Variants in ERC2 observed in about 807,000 individuals in gnomAD.
ERC2 encodes the protein ERC protein 2.
Under a neutral mutation model 114.8 loss-of-function variants are expected in ERC2, and 42 were observed. The observed-to-expected ratio is 0.37, with a 90% CI of 0.29 to 0.47. ERC2 has a LOEUF of 0.47. Among genes scored for constraint, ERC2 ranks in the 20% least tolerant of loss-of-function variants. The pLI, the probability that ERC2 is intolerant of heterozygous loss-of-function variation, is 0.99. For missense variants in ERC2, 939 were observed against 1,150.7 expected, an observed-to-expected ratio of 0.82 and a Z score of 2.66; for synonymous variants, 454 against 425.5, an observed-to-expected ratio of 1.07 and a Z score of -0.82.
intron 7 of ERC2, among the ~76,000 whole-genome samples, chr3:56,041,474 G>A (rs962221247): frequency 2.6e-5 from 4 of 152,150 alleles, no homozygotes; most frequent in Non-Finnish European, 5.9e-5. Context: ...CTTACTGAGG[G>A]CTTGGCTGGC....
chr3:55,569,861 A>ATTTTTT (rs375004734), intron 17 of ERC2, among the ~76,000 whole-genome samples: 9 of 125,224 alleles, frequency 7.2e-5, no homozygotes, highest in Non-Finnish European at 1.2e-4. Flanking sequence ...CTTCATTTCT[A>ATTTTTT]TTTTTTTTTT....
At chr3:55,767,347 GT>G (rs746710456) in intron 14 of ERC2, among the ~76,000 whole-genome samples, 76 of 152,156 alleles carry the variant, frequency 5.0e-4, no homozygotes, top group Non-Finnish European at 9.1e-4. Flanking sequence ...AAAGTGGCAT[GT>G]TTCAGATGTT....
At chr3:55,752,459 T>C (rs1384047490) in intron 14 of ERC2, among the ~76,000 whole-genome samples, 2 of 152,192 alleles carry the variant, frequency 1.3e-5, no homozygotes, top group African/African-American at 4.8e-5. Context: ...ATTGACCTGG[T>C]TTACCAGCGC....
intron 3 of ERC2, among the ~76,000 whole-genome samples, chr3:56,285,067 A>ACT (rs1576269517): frequency 5.7e-5 from 7 of 123,570 alleles, no homozygotes; most frequent in South Asian, 2.7e-4. Context: ...ACACACACAC[A>ACT]CTCTTATGTT....
chr3:56,122,789 T>C (rs2079652027), intron 6 of ERC2, among the ~76,000 whole-genome samples: 1 of 152,050 alleles, frequency 6.6e-6, no homozygotes, highest in Non-Finnish European at 1.5e-5. Context: ...TATAATGCAA[T>C]CTCCTTTTGC....
chr3:55,821,921 G>A (rs1175848810), intron 14 of ERC2, among the ~76,000 whole-genome samples: 2 of 152,220 alleles, frequency 1.3e-5, no homozygotes, highest in Non-Finnish European at 2.9e-5. Flanking sequence ...AGGACAGAGA[G>A]AGAATGTGTA....
intron 12 of ERC2, among the ~76,000 whole-genome samples, chr3:55,974,405 G>C (rs1474384417): frequency 1.3e-5 from 2 of 152,198 alleles, no homozygotes; most frequent in East Asian, 3.8e-4. Flanking sequence ...CCTTCAGAGA[G>C]TTGTTTTCCA....
At chr3:55,920,679 C>T (rs2065375133) in intron 13 of ERC2, among the ~76,000 whole-genome samples, 1 of 152,044 alleles carries the variant, frequency 6.6e-6, no homozygotes, top group African/African-American at 2.4e-5. Context: ...GCTTCTAATA[C>T]AATTTTAAAG....
chr3:56,280,871 G>A (rs2054295285), intron 3 of ERC2, among the ~76,000 whole-genome samples: 1 of 152,128 alleles, frequency 6.6e-6, no homozygotes, highest in Non-Finnish European at 1.5e-5. Context: ...CAAATTCTCT[G>A]TGCCTCAGTT....
intron 14 of ERC2, among the ~76,000 whole-genome samples, chr3:55,792,320 G>A (rs537379770): frequency 6.6e-6 from 1 of 152,308 alleles, no homozygotes; most frequent in African/African-American, 2.4e-5. Flanking sequence ...CAAGAAGGCA[G>A]AGGGTGGAGA....
intron 17 of ERC2, among the ~76,000 whole-genome samples, chr3:55,527,093 T>C (rs1575475850): frequency 6.6e-6 from 1 of 151,998 alleles, no homozygotes; most frequent in African/African-American, 2.4e-5. Flanking sequence ...CACTAGGAGG[T>C]TCTTAATAAA....
At chr3:55,627,714 A>C (rs2059576940) in intron 17 of ERC2, among the ~76,000 whole-genome samples, 1 of 152,124 alleles carries the variant, frequency 6.6e-6, no homozygotes. Context: ...AGACATCACA[A>C]AAGAAAGTGT....
intron 10 of ERC2, among the ~76,000 whole-genome samples, chr3:56,002,659 T>C (rs1329566544): frequency 6.6e-6 from 1 of 152,194 alleles, no homozygotes; most frequent in Non-Finnish European, 1.5e-5. Context: ...TATTTACCAA[T>C]CTCAAAGAGC....
At chr3:56,007,698 G>T (rs9830643) in intron 9 of ERC2, among the ~76,000 whole-genome samples, 17 of 151,974 alleles carry the variant, frequency 1.1e-4, no homozygotes, top group Non-Finnish European at 2.4e-4. Context: ...AGACAAATAC[G>T]AAAGAAAATA....
intron 13 of ERC2, among the ~76,000 whole-genome samples, chr3:55,890,382 A>C (rs766474329): frequency 6.6e-6 from 1 of 152,120 alleles, no homozygotes; most frequent in Non-Finnish European, 1.5e-5. Context: ...TTTCTGTCAT[A>C]AATCGTTCTT....
intron 14 of ERC2, among the ~76,000 whole-genome samples, chr3:55,751,035 T>G (rs1285459477): frequency 6.6e-6 from 1 of 152,222 alleles, no homozygotes; most frequent in Non-Finnish European, 1.5e-5. Flanking sequence ...CAAAAAATAT[T>G]TTTTCCTATG....
chr3:56,423,710 G>C (rs1214548039), intron 2 of ERC2, among the ~76,000 whole-genome samples: 1 of 152,056 alleles, frequency 6.6e-6, no homozygotes, highest in African/African-American at 2.4e-5. Context: ...GAAATTGCAC[G>C]TGCCAGAATT....
chr3:56,307,143 T>C (rs977730474), intron 2 of ERC2, among the ~76,000 whole-genome samples: 3 of 152,174 alleles, frequency 2.0e-5, no homozygotes, highest in Admixed American at 6.5e-5. Flanking sequence ...GGGTGTAGGA[T>C]ATAGTCTCAT....
At chr3:56,058,111 T>C (rs1409040135) in intron 7 of ERC2, among the ~76,000 whole-genome samples, 1 of 152,200 alleles carries the variant, frequency 6.6e-6, no homozygotes, top group African/African-American at 2.4e-5. Flanking sequence ...TACCTGCACT[T>C]GATAAACAGC....
Sources: gnomAD v4.1 joint callset for allele counts (sites outside exome capture counted in the v4.1 genomes callset) on GRCh38, gnomAD v4.1.1 for gene constraint, MANE v1.5 for transcripts, NCBI Gene and HGNC (gene_info 2026-07-23, HGNC 2026-07-21) for gene names.